The following SEMA3D variants were observed in gnomAD, a reference collection of about 807,000 sequenced individuals.
SEMA3D encodes semaphorin-3D.
A neutral mutation model predicts 100.1 loss-of-function variants in SEMA3D; 84 were observed. The ratio of observed to expected loss-of-function variants is 0.84; its 90% CI spans 0.70 to 1.01. SEMA3D has a LOEUF of 1.01. SEMA3D is among the 50% of genes least tolerant of loss of function. The probability of loss-of-function intolerance (pLI) is 0.00; values close to 1 mark genes in which losing one functional copy is unlikely to be tolerated. For synonymous variants in SEMA3D, 312 were observed against 320.7 expected (o/e 0.97, Z 0.29); for missense variants, 875 against 934.1 (o/e 0.94, Z 0.82).
At chr7:85,073,382 A>T (rs1174941223) in intron 5 of SEMA3D, among the ~76,000 whole-genome samples, 1 of 152,110 alleles carries the variant, frequency 6.6e-6, no homozygotes, top group Admixed American at 6.5e-5. Flanking sequence ...AACGGATATA[A>T]ACAGAATATG....
At chr7:85,007,909 CTTCTT>C (rs1450608854) in intron 17 of SEMA3D, among the ~76,000 whole-genome samples, 1 of 151,754 alleles carries the variant, frequency 6.6e-6, no homozygotes. Flanking sequence ...ATTAGTTAGG[CTTCTT>C]TTCAAGAAAC....
upstream of SEMA3D, among the ~76,000 whole-genome samples, chr7:85,188,566 C>A (rs1452679571): frequency 1.3e-5 from 2 of 152,052 alleles, no homozygotes; most frequent in Non-Finnish European, 2.9e-5. Context: ...TGTCATTGTG[C>A]AAATAAAATA....
At chr7:85,142,795 C>A (rs1790094414) in intron 2 of SEMA3D, 1 of 984,332 alleles carries the variant, frequency 1.0e-6, no homozygotes, top group South Asian at 4.7e-5. Flanking sequence ...AATGGAATAA[C>A]CTTTTCTCTC....
intron 17 of SEMA3D, among the ~76,000 whole-genome samples, chr7:85,010,706 TAAG>T (rs1362162790): frequency 6.6e-6 from 1 of 151,832 alleles, no homozygotes; most frequent in African/African-American, 2.4e-5. Context: ...AAGAAGATAA[TAAG>T]AATTCTTTCT....
the SEMA3D span, among the ~76,000 whole-genome samples, chr7:85,249,793 T>A: frequency 1.8e-4 from 27 of 152,242 alleles, no homozygotes; most frequent in African/African-American, 5.1e-4. Context: ...CCAGAAAAAA[T>A]TCTCTAAAAC....
intron 9 of SEMA3D, among the ~76,000 whole-genome samples, chr7:85,047,089 G>A (rs1159328446): frequency 6.6e-6 from 1 of 151,786 alleles, no homozygotes; most frequent in Non-Finnish European, 1.5e-5. Context: ...GGTAAGTACA[G>A]AGGGTGCCTG....
chr7:85,144,859 A>T (rs1222543820), intron 2 of SEMA3D, among the ~76,000 whole-genome samples: 1 of 152,146 alleles, frequency 6.6e-6, no homozygotes, highest in African/African-American at 2.4e-5. Context: ...TGTCATCATA[A>T]ATTAATCTGG....
intron 12 of SEMA3D, among the ~76,000 whole-genome samples, chr7:85,030,410 C>A (rs1790514906): frequency 6.6e-6 from 1 of 151,878 alleles, no homozygotes; most frequent in Non-Finnish European, 1.5e-5. Flanking sequence ...CACGTGTAAG[C>A]TTTCATCTGT....
chr7:85,212,392 A>G, the SEMA3D span, among the ~76,000 whole-genome samples: 5 of 152,242 alleles, frequency 3.3e-5, no homozygotes, highest in African/African-American at 1.2e-4. Context: ...AACCCCATCA[A>G]TGGAAAACCC....
At chr7:85,172,187 G>A (rs1417723216) in intron 1 of SEMA3D, among the ~76,000 whole-genome samples, 1 of 151,872 alleles carries the variant, frequency 6.6e-6, no homozygotes, top group Non-Finnish European at 1.5e-5. Flanking sequence ...ATAATTATTT[G>A]TGATTACTTA....
chr7:85,163,232 A>G (rs1361618035), intron 1 of SEMA3D: 1 of 152,252 alleles, frequency 6.6e-6, no homozygotes, highest in African/African-American at 2.4e-5. Flanking sequence ...ACAGCTTAGT[A>G]GGAGGAAATT....
rs1789566384 is a variant in SEMA3D, at chr7:84,998,603, C to G, written c.*837G>C. ...TTATGGCTGTCTTTCCTTCTGTCTTCTAACAAATCCCATCTGCATGCCTTC... is the reference window on the plus strand; with the variant it reads ...TTATGGCTGTCTTTCCTTCTGTCTTGTAACAAATCCCATCTGCATGCCTTC... On this transcript the variant is annotated 3_prime_UTR_variant, in exon 19 of 19. Transcript: ENST00000284136. 6.6e-6 allele frequency: 1 copy of G among 152,058 alleles called. No individual in the cohort carries two copies. The highest frequency in any genetic ancestry group is 2.4e-5 in the African/African-American group (1 of 41,428). 9.4% of individuals were successfully genotyped at this position (152,058 alleles called of 1,614,324 possible).
chr7:85,030,509 C>G (rs890285306), intron 12 of SEMA3D, among the ~76,000 whole-genome samples: 3 of 151,974 alleles, frequency 2.0e-5, no homozygotes, highest in Admixed American at 6.6e-5. Flanking sequence ...TTTACAAAAT[C>G]AGACATTTAG....
At chr7:85,118,398 T>C (rs971983842) in intron 3 of SEMA3D, among the ~76,000 whole-genome samples, 1 of 152,166 alleles carries the variant, frequency 6.6e-6, no homozygotes, top group Non-Finnish European at 1.5e-5. Context: ...TTTTTTTGTA[T>C]GTCTAGTATG....
intron 8 of SEMA3D, among the ~76,000 whole-genome samples, chr7:85,062,112 C>T (rs1339495731): frequency 2.0e-5 from 3 of 152,110 alleles, no homozygotes; most frequent in Admixed American, 6.6e-5. Context: ...ATATCAGGGG[C>T]GAGATACACA....
intron 9 of SEMA3D, among the ~76,000 whole-genome samples, chr7:85,044,728 T>G (rs1425160421): frequency 6.6e-6 from 1 of 152,102 alleles, no homozygotes; most frequent in East Asian, 1.9e-4. Flanking sequence ...ACATAATAGA[T>G]ACACAGTAGT....
chr7:85,128,957 C>T (rs1427532712), intron 2 of SEMA3D, among the ~76,000 whole-genome samples: 1 of 148,994 alleles, frequency 6.7e-6, no homozygotes, highest in Non-Finnish European at 1.5e-5. Context: ...AGTGGCATGA[C>T]CACAGCTCAT....
chr7:85,225,259 T>C, the SEMA3D span, among the ~76,000 whole-genome samples: 46,628 of 148,180 alleles, frequency 0.31, 8,197 homozygotes, highest in African/African-American at 0.49. Flanking sequence ...AAAATCAGAA[T>C]AAGCTGTGTT....
At chr7:85,234,941 C>G in the SEMA3D span, among the ~76,000 whole-genome samples, 2 of 152,144 alleles carry the variant, frequency 1.3e-5, no homozygotes, top group Non-Finnish European at 2.9e-5. Context: ...TAGCGGCCCT[C>G]GGGCTTTCAG....
Sources: allele counts gnomAD v4.1 joint callset (sites outside exome capture counted in the v4.1 genomes callset), GRCh38; gene constraint gnomAD v4.1.1; transcripts MANE v1.5; gene names NCBI Gene and HGNC (gene_info 2026-07-23, HGNC 2026-07-21).